Variants in KANK3 observed in about 807,000 individuals in gnomAD.
KANK3 encodes the protein KN motif and ankyrin repeat domain-containing protein 3.
KANK3 carries 61 observed loss-of-function variants against 65.4 expected under a neutral mutation model. That is an observed-to-expected ratio of 0.93 (90% confidence interval 0.76 to 1.15). The LOEUF (loss-of-function observed/expected upper bound fraction) is 1.15. Among genes scored for constraint, KANK3 ranks in the 50% most tolerant of loss-of-function variants. The pLI is 0.00. For synonymous variants in KANK3, 586 were observed against 543.3 expected (o/e 1.08, Z -1.09); for missense variants, 1,187 against 1,178.8 (o/e 1.01, Z -0.10).
At chr19:8,330,869 A>T (rs1428377261) in intron 7 of KANK3, among the ~76,000 whole-genome samples, 1 of 151,582 alleles carries the variant, frequency 6.6e-6, no homozygotes, top group African/African-American at 2.4e-5. Context: ...GCACCACTGC[A>T]GTCCAGCCTG....
At chr19:8,337,937 A>G (rs1970670419) in intron 1 of KANK3, 81 bp from the exon 2 acceptor site, 9 of 1,559,768 alleles carry the variant, frequency 5.8e-6, no homozygotes, top group Non-Finnish European at 7.8e-6. Context: ...CTAAGCAAAC[A>G]GGACCCAAGA....
chr19:8,334,978 C>A lies in KANK3; in HGVS notation c.849G>T (p.Ala283=), dbSNP rs1255961426. The change falls in exon 3 of 11, where the codon GCG becomes GCT. Residue 283 remains alanine, a synonymous_variant. Coordinates refer to ENST00000330915, the MANE Select transcript of KANK3 (RefSeq NM_198471.3). ...CGACCTCCCCGTCGAGGACCTGGAG[C>A]GCGCCCTCGCTGCGCCCTGCAGCCA... ...DGLAAGRSEG[A]LQVLDGEVGS... The A allele has an allele frequency of 1.3e-6, 2 of 1,492,802 alleles. No individual in the cohort carries two copies. The highest frequency in any genetic ancestry group is 1.8e-6 in the Non-Finnish European group (2 of 1,131,302). The allele number at this position is 1,492,802 out of a possible 1,614,324, so 92.5% of individuals were successfully genotyped here.
intron 1 of KANK3, among the ~76,000 whole-genome samples, 194 bp downstream of exon 1, chr19:8,343,031 C>A (rs1199184659): frequency 6.6e-6 from 1 of 152,220 alleles, no homozygotes; most frequent in Non-Finnish European, 1.5e-5. Context: ...CCAGAGCCCC[C>A]CACTCTGCTC....
In KANK3 at chr19:8,335,446, G is replaced by A; in HGVS notation, c.381C>T (p.Asn127=). 2 of 1,223,116 alleles carry A rather than the reference G, an allele frequency of 1.6e-6. No individual in the cohort carries two copies. Among genetic ancestry groups the A allele is most frequent in the African/African-American group, 1.6e-5 (1 of 63,568 alleles). 75.8% of individuals were successfully genotyped at this position (1,223,116 alleles called of 1,614,324 possible). Residue 127 remains asparagine, a synonymous_variant, in exon 3 of 11, where the codon AAC becomes AAT. Coordinates refer to ENST00000330915, the MANE Select transcript of KANK3 (RefSeq NM_198471.3). Reference sequence around the variant, plus strand: ...CCCGGAGCGTGTGCTCGACGCGCGGGTTGCGCACGGGCGCGCGCGGCGACA... The same window carrying A: ...CCCGGAGCGTGTGCTCGACGCGCGGATTGCGCACGGGCGCGCGCGGCGACA... The part of the protein sequence containing the change: ...QPLSPRAPVR[N]PRVEHTLRET...
At chr19:8,325,190 C>A in intron 7 of KANK3, 94 bp from the exon 8 acceptor site, 1 of 1,377,056 alleles carries the variant, frequency 7.3e-7, no homozygotes. Flanking sequence ...ACAGCACCTG[C>A]ATATGGGGTG....
chr19:8,334,879 G>C lies in KANK3; in HGVS notation c.948C>G (p.Ala316=). 2 of 1,458,100 alleles carry C rather than the reference G, an allele frequency of 1.4e-6. No homozygotes were observed. The highest frequency in any genetic ancestry group is 1.8e-6 in the Non-Finnish European group (2 of 1,114,318). 90.3% of individuals were successfully genotyped at this position (1,458,100 alleles called of 1,614,324 possible). A position where few individuals can be genotyped will look rare whatever the true frequency, so the allele number is the denominator to read the frequency against. ...EAVPETREAG[A]QAVPETREAG... is the part of the protein sequence containing the mutation. The stretch of plus-strand genomic sequence containing the variant: ...CCTCCCGGGTCTCCGGCACGGCCTG[G>C]GCACCCGCTTCTCGGGTCTCGGGCA... Residue 316 remains alanine (A), a synonymous_variant, in exon 3 of 11, where the codon GCC becomes GCG. Transcript: ENST00000330915.
intron 1 of KANK3, among the ~76,000 whole-genome samples, chr19:8,341,564 C>T (rs1970723724): frequency 6.6e-6 from 1 of 152,150 alleles, no homozygotes; most frequent in African/African-American, 2.4e-5. Context: ...GTGTGCACCA[C>T]CATGCCTGGC....
At chr19:8,339,963 C>CAAAA (rs59020478) in intron 1 of KANK3, among the ~76,000 whole-genome samples, 42 of 95,730 alleles carry the variant, frequency 4.4e-4, no homozygotes, top group Non-Finnish European at 5.5e-4. Flanking sequence ...GACCTTGTCT[C>CAAAA]AAAAAAAAAA....
At position 8,333,606 on chromosome 19, in the gene KANK3, G is replaced by C; in HGVS notation, c.1719+118C>G. 1.3e-6 allele frequency: 1 copy of C among 781,450 alleles called. No individual in the cohort carries two copies. The highest frequency in any genetic ancestry group is 3.2e-5 in the Admixed American group (1 of 30,832). The allele number at this position is 781,450 out of a possible 1,614,324, so 48.4% of individuals were successfully genotyped here. ...AAGGAGATCCCTTCGGAGAGCCTGG[G>C]GTCAGGCGAGGTGCCTGGCGGGAAG... is the stretch of plus-strand genomic sequence containing the variant. On this transcript the variant is annotated intron_variant, in intron 6 of 10. Coordinates refer to ENST00000330915, the MANE Select transcript of KANK3 (RefSeq NM_198471.3). This position sits in a 1 kb window ranked among gnomAD's most constrained non-coding sequence, Gnocchi z 5.0.
At chr19:8,322,995 C>T in intron 10 of KANK3, 73 bp from the exon 11 acceptor site, 1 of 856,354 alleles carries the variant, frequency 1.2e-6, no homozygotes, top group Non-Finnish European at 1.8e-6. Context: ...CAGCCCCAGC[C>T]TCACTTAGTG....
At chr19:8,340,178 C>T (rs1483228130) in intron 1 of KANK3, among the ~76,000 whole-genome samples, 2 of 149,954 alleles carry the variant, frequency 1.3e-5, no homozygotes, top group South Asian at 2.1e-4. Flanking sequence ...AGGAGAATCG[C>T]TTGAACCTGG....
At chr19:8,331,057 G>A (rs1165402690) in intron 7 of KANK3, among the ~76,000 whole-genome samples, 2 of 152,004 alleles carry the variant, frequency 1.3e-5, no homozygotes, top group Admixed American at 1.3e-4. Flanking sequence ...GCCGGGCGTG[G>A]TGGCGGGCGC....
intron 7 of KANK3, among the ~76,000 whole-genome samples, chr19:8,332,223 G>C (rs1970538406): frequency 6.6e-6 from 1 of 151,688 alleles, no homozygotes; most frequent in African/African-American, 2.4e-5. Context: ...TGTCGCCCAG[G>C]CTGGAGTGCA....
Position 8,334,348 on chromosome 19 carries a change from G to C in KANK3, c.1399C>G (p.Leu467Val). ...GAQPSSGPKS[L>V]QFVGVLNGEY... ...CCGTTGAGGACCCCAACAAACTGCA[G>C]GCTCTTGGGTCCGGAGCTGGGTTGG... The change falls in exon 4 of 11, where the codon CTG becomes GTG. Residue 467 changes from leucine to valine, a missense_variant. Coordinates refer to ENST00000330915, the MANE Select transcript of KANK3 (RefSeq NM_198471.3). 1 of 1,614,174 alleles carries C rather than the reference G, an allele frequency of 6.2e-7. No individual in the cohort carries two copies. The highest frequency in any genetic ancestry group is 8.5e-7 in the Non-Finnish European group (1 of 1,180,012).
chr19:8,326,999 C>T (rs1479495415), intron 7 of KANK3, among the ~76,000 whole-genome samples: 1 of 152,124 alleles, frequency 6.6e-6, no homozygotes, highest in East Asian at 1.9e-4. Context: ...CCCTGTTCCT[C>T]ACAGTGCCTG....
At chr19:8,326,503 A>AG (rs1346200177) in intron 7 of KANK3, among the ~76,000 whole-genome samples, 5 of 124,806 alleles carry the variant, frequency 4.0e-5, no homozygotes, top group Non-Finnish European at 8.2e-5. Flanking sequence ...AAAAAAAAAA[A>AG]AAAGCCAGGT....
chr19:8,336,372 G>T (rs1170299985), intron 2 of KANK3, among the ~76,000 whole-genome samples: 2 of 150,670 alleles, frequency 1.3e-5, no homozygotes, highest in South Asian at 4.2e-4. Flanking sequence ...GGTAGGCGGA[G>T]TTTGAGGTGA....
At position 8,333,160 on chromosome 19, in the gene KANK3, A is replaced by G. The variant is rs572040236; in HGVS notation, c.1790T>C (p.Val597Ala). Residue 597 changes from valine to alanine, a missense_variant, in exon 7 of 11, where the codon GTG (valine) becomes GCG (alanine). Val to Ala is a moderately conservative substitution (Grantham distance 64). This residue lies in a region of KANK3 where 1,078 missense variants were observed against 1,038.2 expected (regional missense o/e 1.04). Transcript: ENST00000330915. The surrounding 1 kb of genome is among the most constrained non-coding windows in gnomAD (Gnocchi z 5.0). Reference sequence around the variant, plus strand: ...CCTCACCCCTTCCAGCATCCTGGCCACGGGCTCCGCCTGAGAGCGCCGCTG... The same window carrying G: ...CCTCACCCCTTCCAGCATCCTGGCCGCGGGCTCCGCCTGAGAGCGCCGCTG... ...SSQRRSQAEP[V>A]ARMLEGVRRL... 6.2e-6 allele frequency: 10 copies of G among 1,613,022 alleles called. No individual in the cohort carries two copies. The African/African-American group carries it at 1.3e-4, about 21-fold the overall frequency.
In KANK3 at chr19:8,325,122, C is replaced by T. The variant is rs376498164; in HGVS notation, c.1937-26G>A. 53 of 1,597,548 alleles carry T rather than the reference C, an allele frequency of 3.3e-5. No homozygotes were observed. In the African/African-American group the frequency reaches 4.2e-4, roughly 13 times the overall value. ...CTGGGAGAGAAAAGGGGGCCGTCCACGGAGATGCCAACACCGCGGCCCGAC... is the reference window on the plus strand; with the variant it reads ...CTGGGAGAGAAAAGGGGGCCGTCCATGGAGATGCCAACACCGCGGCCCGAC... On this transcript the variant is annotated intron_variant, in intron 7 of 10. Transcript: ENST00000330915.
Sources: allele counts gnomAD v4.1 joint callset (sites outside exome capture counted in the v4.1 genomes callset), GRCh38; gene constraint gnomAD v4.1.1; regional missense constraint gnomAD v4.1.1; non-coding constraint Gnocchi (gnomAD v3.1); transcripts MANE v1.5; gene names NCBI Gene and HGNC (gene_info 2026-07-23, HGNC 2026-07-21).